DCDC1: variants seen among roughly 807,000 people sequenced by gnomAD.
DCDC1 encodes the protein doublecortin domain-containing protein 1.
A neutral mutation model predicts 178.3 loss-of-function variants in DCDC1; 200 were observed. The ratio of observed to expected loss-of-function variants is 1.12; its 90% CI spans 1.00 to 1.26. The LOEUF (loss-of-function observed/expected upper bound fraction) is 1.26, where lower values mean the gene tolerates loss of function less well. Ranked by LOEUF, DCDC1 falls within the 50% of genes most tolerant of loss-of-function variation. The pLI is 0.00. For missense variants in DCDC1, 1,983 were observed against 1,749.2 expected (o/e 1.13, Z -2.38); for synonymous variants, 690 against 604.8 (o/e 1.14, Z -2.07).
chr11:31,302,385 A>G (rs1948173317), intron 6 of DCDC1, among the ~76,000 whole-genome samples: 2 of 152,176 alleles, frequency 1.3e-5, no homozygotes, highest in Non-Finnish European at 1.5e-5. Context: ...CATGGCCATG[A>G]ATCAGAAAAC....
At chr11:30,901,848 G>A (rs369746611) in intron 32 of DCDC1, among the ~76,000 whole-genome samples, 48 of 152,128 alleles carry the variant, frequency 3.2e-4, no homozygotes, top group African/African-American at 1.0e-3. Context: ...CTTAAAACTC[G>A]TTTGAATACA....
At chr11:31,268,854 T>C (rs1251600902) in intron 7 of DCDC1, among the ~76,000 whole-genome samples, 7 of 152,220 alleles carry the variant, frequency 4.6e-5, no homozygotes. Context: ...AAGCGTTCCT[T>C]TTCTCCACAG....
At chr11:31,082,912 T>A (rs138223019) in intron 17 of DCDC1, among the ~76,000 whole-genome samples, 85 of 152,284 alleles carry the variant, frequency 5.6e-4, no homozygotes, top group South Asian at 4.1e-4. Flanking sequence ...ATTCATAACA[T>A]AGTAAGAACA....
At chr11:31,144,019 C>T (rs1169918443) in intron 9 of DCDC1, among the ~76,000 whole-genome samples, 2 of 152,174 alleles carry the variant, frequency 1.3e-5, no homozygotes, top group African/African-American at 2.4e-5. Context: ...CAAACCAAAA[C>T]ACAACCATTT....
intron 9 of DCDC1, among the ~76,000 whole-genome samples, chr11:31,241,209 A>G (rs1426319197): frequency 6.6e-6 from 1 of 151,988 alleles, no homozygotes; most frequent in Admixed American, 6.6e-5. Context: ...CACTTTGCCC[A>G]GTATGCGCTG....
intron 9 of DCDC1, among the ~76,000 whole-genome samples, chr11:31,209,789 G>A (rs927761012): frequency 2.0e-5 from 3 of 152,168 alleles, no homozygotes; most frequent in Admixed American, 1.3e-4. Context: ...TATGTCAAGA[G>A]AGTAGAAGAA....
At chr11:31,268,552 T>G (rs533777171) in intron 7 of DCDC1, among the ~76,000 whole-genome samples, 1 of 152,328 alleles carries the variant, frequency 6.6e-6, no homozygotes, top group East Asian at 1.9e-4. Flanking sequence ...AAGGACATAC[T>G]TTCATTCTTT....
intron 9 of DCDC1, among the ~76,000 whole-genome samples, chr11:31,160,459 G>C (rs1285204845): frequency 1.3e-5 from 2 of 152,076 alleles, no homozygotes; most frequent in East Asian, 1.9e-4. Context: ...GAGTTCTTTG[G>C]AGGATTATAG....
intron 28 of DCDC1, 43 bp downstream of exon 28, chr11:30,911,284 T>C (rs1195110297): frequency 6.6e-7 from 1 of 1,505,770 alleles, no homozygotes. Flanking sequence ...TACTTAAATT[T>C]AATTAAAAGG....
chr11:31,267,601 T>C (rs1420623135), intron 7 of DCDC1, among the ~76,000 whole-genome samples: 1 of 152,220 alleles, frequency 6.6e-6, no homozygotes, highest in Non-Finnish European at 1.5e-5. Flanking sequence ...ACCCTGGTGA[T>C]TCTCTAAATA....
chr11:30,894,481 A>T, intron 34 of DCDC1, 97 bp from the exon 35 acceptor site: 2 of 1,499,226 alleles, frequency 1.3e-6, no homozygotes, highest in Non-Finnish European at 1.8e-6. Context: ...CGTTCCACAC[A>T]GGAGCATAAG....
intron 20 of DCDC1, among the ~76,000 whole-genome samples, chr11:31,036,496 G>A (rs906116514): frequency 6.6e-6 from 1 of 152,108 alleles, no homozygotes; most frequent in African/African-American, 2.4e-5. Context: ...TAATAGCAGT[G>A]CCTTCTCTAC....
chr11:31,290,694 C>T lies in DCDC1; in HGVS notation c.913G>A (p.Gly305Arg). ...VRILFFKNGM[G>R]QDGHEITVGK... ...ACTGTAATCTCATGCCCATCCTGCCCCATGCCATTCTTAAAGAACAGAATT... is the reference window on the plus strand; with the variant it reads ...ACTGTAATCTCATGCCCATCCTGCCTCATGCCATTCTTAAAGAACAGAATT... The change falls in exon 7 of 39, where the codon GGG (glycine) becomes AGG (arginine). Residue 305 changes from glycine to arginine, a missense_variant. Transcript: ENST00000684477. 6.2e-7 allele frequency: 1 copy of T among 1,613,272 alleles called. No individual in the cohort carries two copies. Among genetic ancestry groups the T allele is most frequent in the African/African-American group, 1.3e-5 (1 of 74,972 alleles).
Position 30,868,242 on chromosome 11 carries a change from C to CTTTT in DCDC1, c.*41-2914_*41-2911dup, listed in dbSNP as rs35180579. Among the ~76,000 whole-genome samples, 8 of 61,074 alleles carry CTTTT rather than the reference C, an allele frequency of 1.3e-4. 1 individual carries two copies. The highest frequency in any genetic ancestry group is 4.6e-4 in the African/African-American group (6 of 13,036). 40.1% of individuals were successfully genotyped at this position (61,074 alleles called of 152,430 possible). ...GTGCATCCATGCTCTTTCATACCTGCTTTTTTTTTTTTTTTTTTTTTTTTT... is the reference window on the plus strand; with the variant it reads ...GTGCATCCATGCTCTTTCATACCTGCTTTTTTTTTTTTTTTTTTTTTTTTTTTTT... On this transcript the variant is annotated intron_variant, in intron 38 of 38. Transcript: ENST00000684477.
chr11:30,944,206 C>T, intron 21 of DCDC1: 1 of 414,412 alleles, frequency 2.4e-6, no homozygotes, highest in Non-Finnish European at 4.8e-6. Context: ...TCCCTTCCTT[C>T]TCCTTTATTC....
intron 20 of DCDC1, among the ~76,000 whole-genome samples, chr11:31,052,897 A>T (rs1258181658): frequency 6.6e-6 from 1 of 152,010 alleles, no homozygotes; most frequent in East Asian, 1.9e-4. Flanking sequence ...AGAGCACAAG[A>T]AAACAATCTA....
chr11:31,354,264 G>A (rs1951220574), intron 1 of DCDC1, among the ~76,000 whole-genome samples: 1 of 152,196 alleles, frequency 6.6e-6, no homozygotes, highest in Admixed American at 6.5e-5. Context: ...CCAGCCTGGT[G>A]ACAGAGCGAG....
intron 20 of DCDC1, among the ~76,000 whole-genome samples, chr11:31,036,837 C>T (rs1159788712): frequency 1.3e-5 from 2 of 152,112 alleles, no homozygotes; most frequent in African/African-American, 4.8e-5. Context: ...TAGCAGAACT[C>T]TGTTCAAATA....
intron 11 of DCDC1, among the ~76,000 whole-genome samples, chr11:31,113,537 G>A (rs1435579263): frequency 6.7e-6 from 1 of 149,446 alleles, no homozygotes; most frequent in African/African-American, 2.5e-5. Flanking sequence ...AGAACACGTG[G>A]TGTTTGGTTT....
Sources: allele counts gnomAD v4.1 joint callset (sites outside exome capture counted in the v4.1 genomes callset), GRCh38; gene constraint gnomAD v4.1.1; transcripts MANE v1.5; gene names NCBI Gene and HGNC (gene_info 2026-07-23, HGNC 2026-07-21).